Variants in SNTG1 observed in about 807,000 individuals in gnomAD.
The protein encoded by SNTG1 is gamma-1-syntrophin.
In SNTG1, 39 loss-of-function variants were observed where a neutral mutation model predicts 74.7. The ratio of observed to expected loss-of-function variants is 0.52; its 90% CI spans 0.40 to 0.68. The LOEUF (loss-of-function observed/expected upper bound fraction) is 0.68. Among genes scored for constraint, SNTG1 ranks in the 30% least tolerant of loss-of-function variants. The pLI is 0.00. For synonymous variants in SNTG1, 254 were observed against 217.1 expected (o/e 1.17, Z -1.49); for missense variants, 685 against 609.5 (o/e 1.12, Z -1.30).
chr8:50,354,155 G>C (rs147236569), intron 2 of SNTG1, among the ~76,000 whole-genome samples: 2 of 152,284 alleles, frequency 1.3e-5, no homozygotes, highest in East Asian at 3.9e-4. Flanking sequence ...CCTGCTGATG[G>C]AAACCCCAGT....
chr8:50,400,493 G>A (rs1212286375), intron 3 of SNTG1, among the ~76,000 whole-genome samples: 2 of 152,084 alleles, frequency 1.3e-5, no homozygotes, highest in African/African-American at 2.4e-5. Flanking sequence ...ATGTCCCTTT[G>A]ACATACTCAT....
At chr8:50,150,856 G>T (rs1373510899) in intron 1 of SNTG1, among the ~76,000 whole-genome samples, 1 of 152,144 alleles carries the variant, frequency 6.6e-6, no homozygotes, top group African/African-American at 2.4e-5. Flanking sequence ...CATCAGGGAT[G>T]TTGGTCTAAA....
chr8:50,154,065 C>T (rs557120723), intron 1 of SNTG1, among the ~76,000 whole-genome samples: 1 of 152,248 alleles, frequency 6.6e-6, no homozygotes, highest in African/African-American at 2.4e-5. Context: ...TTTGAGCTTC[C>T]AGGCTGCTTT....
intron 1 of SNTG1, among the ~76,000 whole-genome samples, chr8:50,147,385 G>A (rs1454392101): frequency 6.6e-6 from 1 of 152,148 alleles, no homozygotes; most frequent in Non-Finnish European, 1.5e-5. Context: ...ACTGGTAACT[G>A]TAAAGTAAGC....
At chr8:50,380,871 T>G (rs2092468224) in intron 2 of SNTG1, 1 of 152,212 alleles carries the variant, frequency 6.6e-6, no homozygotes, top group Non-Finnish European at 1.5e-5. Flanking sequence ...GCAAGATCTC[T>G]AGACAGAGGC....
intron 9 of SNTG1, among the ~76,000 whole-genome samples, chr8:50,515,652 C>T (rs6984911): frequency 0.033 from 5,074 of 152,110 alleles, 299 homozygotes; most frequent in African/African-American, 0.12. Context: ...CTTTAGTAGG[C>T]GGCTTTCTCC....
chr8:50,035,815 G>T (rs545534841), intron 1 of SNTG1, among the ~76,000 whole-genome samples: 56 of 152,234 alleles, frequency 3.7e-4, no homozygotes, highest in African/African-American at 1.2e-3. Flanking sequence ...ACACAAATCC[G>T]ACAGCATGGA....
At chr8:50,185,076 T>C (rs2083332486) in intron 2 of SNTG1, among the ~76,000 whole-genome samples, 1 of 152,118 alleles carries the variant, frequency 6.6e-6, no homozygotes. Context: ...GCTTAGAAAA[T>C]AGAATCAGGT....
In SNTG1 at chr8:50,791,570, G is replaced by C. The variant is rs2095690705; in HGVS notation, c.1396-1101G>C. Among the ~76,000 whole-genome samples the C allele has an allele frequency of 2.6e-5, 4 of 151,768 alleles. No homozygotes were observed. In the Admixed American group the frequency reaches 2.6e-4, roughly 10 times the overall value. ...TCTGGTACACGACAGATATTACAAT[G>C]TGTCATAAAGTATTGAATATTTTGT... On this transcript the variant is annotated intron_variant, in intron 18 of 18. Coordinates refer to ENST00000642720, the MANE Select transcript of SNTG1 (RefSeq NM_018967.5).
chr8:50,138,481 C>G (rs907215834), intron 1 of SNTG1, among the ~76,000 whole-genome samples: 29 of 151,572 alleles, frequency 1.9e-4, no homozygotes, highest in African/African-American at 5.8e-4. Context: ...AAAAATTAGC[C>G]AGGCATGGTG....
At chr8:50,776,302 T>G (rs988067048) in intron 18 of SNTG1, among the ~76,000 whole-genome samples, 3 of 150,240 alleles carry the variant, frequency 2.0e-5, no homozygotes, top group Admixed American at 1.3e-4. Context: ...TTTGTATATA[T>G]CTTCACATTC....
intron 1 of SNTG1, among the ~76,000 whole-genome samples, chr8:50,107,955 C>T (rs967361558): frequency 5.9e-5 from 9 of 152,090 alleles, no homozygotes; most frequent in Admixed American, 5.9e-4. Context: ...TTTTGGTAAG[C>T]GTTAGTTTCC....
chr8:50,545,841 A>G (rs1232049488), intron 11 of SNTG1, among the ~76,000 whole-genome samples: 5 of 152,146 alleles, frequency 3.3e-5, no homozygotes, highest in Admixed American at 2.0e-4. Context: ...TCTAAACAGT[A>G]GGCAAGTTTA....
chr8:50,463,016 C>T (rs1297849446), intron 8 of SNTG1, among the ~76,000 whole-genome samples: 1 of 151,924 alleles, frequency 6.6e-6, no homozygotes, highest in Non-Finnish European at 1.5e-5. Context: ...GGGGTTTCTC[C>T]ATGTTGGCCA....
At chr8:49,964,300 G>T (rs1212499032) in intron 1 of SNTG1, among the ~76,000 whole-genome samples, 1 of 152,196 alleles carries the variant, frequency 6.6e-6, no homozygotes, top group Non-Finnish European at 1.5e-5. Context: ...CTGCCTTCAG[G>T]CTTGAGCTGC....
intron 2 of SNTG1, among the ~76,000 whole-genome samples, chr8:50,228,957 A>G (rs2085478003): frequency 6.6e-6 from 1 of 151,760 alleles, no homozygotes; most frequent in African/African-American, 2.4e-5. Flanking sequence ...ATTATATCAT[A>G]TAGATAAGTT....
chr8:50,614,493 A>G (rs1395136614), intron 13 of SNTG1, among the ~76,000 whole-genome samples: 7 of 152,076 alleles, frequency 4.6e-5, no homozygotes, highest in African/African-American at 1.4e-4. Flanking sequence ...TGGATATCTA[A>G]TGGTAGATTT....
chr8:50,738,511 C>A (rs1018368816), intron 17 of SNTG1, among the ~76,000 whole-genome samples: 1 of 152,042 alleles, frequency 6.6e-6, no homozygotes, highest in Admixed American at 6.6e-5. Context: ...TCAATGCTAT[C>A]CTCATCCAGC....
chr8:50,755,834 T>A (rs2131716815), intron 18 of SNTG1, among the ~76,000 whole-genome samples: 1 of 152,046 alleles, frequency 6.6e-6, no homozygotes. Flanking sequence ...GTTGTTTTAA[T>A]TTGTATTTAT....
Sources: allele counts gnomAD v4.1 joint callset (sites outside exome capture counted in the v4.1 genomes callset), GRCh38; gene constraint gnomAD v4.1.1; transcripts MANE v1.5; gene names NCBI Gene and HGNC (gene_info 2026-07-23, HGNC 2026-07-21).